Variants in TRARG1 observed in about 807,000 individuals in gnomAD.
TRARG1 encodes the protein trafficking regulator of GLUT4 (SLC2A4) 1 (gene/pseudogene), also known as trafficking regulator of GLUT4 1.
A neutral mutation model predicts 13.3 loss-of-function variants in TRARG1; 16 were observed. The observed-to-expected ratio is 1.20, with a 90% CI of 0.81 to 1.83. The LOEUF is 1.83. Ranked by LOEUF, TRARG1 falls within the 40% of genes most tolerant of loss-of-function variation. The probability of loss-of-function intolerance (pLI) is 0.00; values close to 1 mark genes in which losing one functional copy is unlikely to be tolerated. For missense variants in TRARG1, 250 were observed against 237.4 expected (o/e 1.05, Z -0.35); for synonymous variants, 113 against 106.2 (o/e 1.06, Z -0.39).
chr17:1,288,301 TC>T, intron 1 of TRARG1, among the ~76,000 whole-genome samples: 1 of 30,936 alleles, frequency 3.2e-5, no homozygotes, highest in African/African-American at 1.3e-4. Context: ...GGGTTCCCCA[TC>T]CCCCACGGGT....
At chr17:1,283,216 G>A (rs1181950432) in intron 1 of TRARG1, among the ~76,000 whole-genome samples, 2 of 150,882 alleles carry the variant, frequency 1.3e-5, no homozygotes, top group Non-Finnish European at 2.9e-5. Flanking sequence ...ATTCCCATCT[G>A]CAAAATGGGT....
chr17:1,293,380 C>T (rs879760219), intron 1 of TRARG1, among the ~76,000 whole-genome samples: 14 of 151,604 alleles, frequency 9.2e-5, no homozygotes, highest in South Asian at 2.1e-4. Flanking sequence ...GCTCAGGCTA[C>T]GGCAAGGAGG....
intron 1 of TRARG1, among the ~76,000 whole-genome samples, chr17:1,282,156 G>T (rs554269849): frequency 1.4e-5 from 2 of 138,098 alleles, no homozygotes; most frequent in Non-Finnish European, 3.0e-5. Flanking sequence ...ACGTATACAC[G>T]TGCATATATG....
At chr17:1,284,147 G>T (rs971849233) in intron 1 of TRARG1, among the ~76,000 whole-genome samples, 142 of 137,514 alleles carry the variant, frequency 1.0e-3, no homozygotes, top group South Asian at 3.3e-3. Context: ...AGAAAGAAAA[G>T]AAAGAAAGAA....
chr17:1,281,952 A>ATGTG (rs2071975633), intron 1 of TRARG1, among the ~76,000 whole-genome samples: 1 of 151,776 alleles, frequency 6.6e-6, no homozygotes, highest in African/African-American at 2.4e-5. Flanking sequence ...ATATATGCAC[A>ATGTG]TACATGTACA....
chr17:1,298,321 A>G lies in TRARG1; in HGVS notation c.*57A>G. On this transcript the variant is annotated 3_prime_UTR_variant, in exon 3 of 3. Transcript: ENST00000333813. ...GGCCCTGGCCATCGGGAGAGCTCTGACCTGCACACCGCGGGAGGCCAGGGT... is the reference window on the plus strand; with the variant it reads ...GGCCCTGGCCATCGGGAGAGCTCTGGCCTGCACACCGCGGGAGGCCAGGGT... The G allele has an allele frequency of 6.3e-7, 1 of 1,598,516 alleles. No individual in the cohort carries two copies. The highest frequency in any genetic ancestry group is 8.5e-7 in the Non-Finnish European group (1 of 1,170,404).
intron 1 of TRARG1, among the ~76,000 whole-genome samples, chr17:1,289,345 C>A (rs561707324): frequency 0.01 from 50 of 4,814 alleles, 1 homozygote; most frequent in Middle Eastern, 0.12. Flanking sequence ...TCATCCCCCA[C>A]GAGTTCCCCA....
chr17:1,282,125 T>C (rs1488141504), intron 1 of TRARG1, among the ~76,000 whole-genome samples: 2 of 70,548 alleles, frequency 2.8e-5, no homozygotes, highest in African/African-American at 1.1e-4. Flanking sequence ...TGCACATATG[T>C]ACATATACAC....
At chr17:1,284,886 T>C (rs1177642039) in intron 1 of TRARG1, among the ~76,000 whole-genome samples, 1 of 151,912 alleles carries the variant, frequency 6.6e-6, no homozygotes, top group Non-Finnish European at 1.5e-5. Flanking sequence ...TTCACTGTGT[T>C]AGCCAGGATG....
intron 1 of TRARG1, among the ~76,000 whole-genome samples, chr17:1,294,407 T>C (rs1044335690): frequency 4.1e-4 from 62 of 151,230 alleles, no homozygotes; most frequent in Non-Finnish European, 3.4e-4. Flanking sequence ...ATCCGGGAAG[T>C]GGGCTTGATT....
intron 1 of TRARG1, among the ~76,000 whole-genome samples, chr17:1,288,232 C>A (rs7406352): frequency 0.15 from 22,754 of 149,058 alleles, 1,994 homozygotes; most frequent in Admixed American, 0.23. Flanking sequence ...GCTTCATCCC[C>A]CACCAGCTCC....
chr17:1,298,333 C>G lies in TRARG1; in HGVS notation c.*69C>G, dbSNP rs372069762. 3 of 1,566,904 alleles carry G rather than the reference C, an allele frequency of 1.9e-6. No homozygotes were observed. Among genetic ancestry groups the G allele is most frequent in the Non-Finnish European group, 1.7e-6 (2 of 1,146,512 alleles). ...CGGGAGAGCTCTGACCTGCACACCG[C>G]GGGAGGCCAGGGTGCTGACTGTCAA... On this transcript the variant is annotated 3_prime_UTR_variant, in exon 3 of 3. Coordinates refer to ENST00000333813, the MANE Select transcript of TRARG1 (RefSeq NM_172367.3).
In TRARG1 at chr17:1,298,365, C is replaced by A; in HGVS notation, c.*101C>A. ...CCAGGGTGCTGACTGTCAAGCATCCCCTGTCCCCAAGTTCCAAAAGCACAG... is the reference window on the plus strand; with the variant it reads ...CCAGGGTGCTGACTGTCAAGCATCCACTGTCCCCAAGTTCCAAAAGCACAG... On this transcript the variant is annotated 3_prime_UTR_variant, in exon 3 of 3. Transcript: ENST00000333813. 1 of 1,338,758 alleles carries A rather than the reference C, an allele frequency of 7.5e-7. No individual in the cohort carries two copies. The highest frequency in any genetic ancestry group is 1.0e-6 in the Non-Finnish European group (1 of 962,820). The allele number at this position is 1,338,758 out of a possible 1,614,324, so 82.9% of individuals were successfully genotyped here. A position where few individuals can be genotyped will look rare whatever the true frequency, so the allele number is the denominator to read the frequency against.
At chr17:1,280,651 C>T (rs915360850) in intron 1 of TRARG1, among the ~76,000 whole-genome samples, 34 of 152,124 alleles carry the variant, frequency 2.2e-4, no homozygotes, top group African/African-American at 8.2e-4. Flanking sequence ...TGGGGAGGGG[C>T]CCTCAGGGAG....
chr17:1,282,239 T>C lies in TRARG1; in HGVS notation c.387+1851T>C, dbSNP rs113217764. ...GTATACACGTGCGTATATGTACGTA[T>C]ATGCACGTATATGTACGTATATGTA... On this transcript the variant is annotated intron_variant, in intron 1 of 2. Transcript: ENST00000333813. 6.0e-4 allele frequency among the ~76,000 whole-genome samples: 82 copies of C among 137,754 alleles called. 1 individual carries two copies. The highest frequency in any genetic ancestry group is 2.2e-3 in the African/African-American group (72 of 33,408). The allele number at this position is 137,754 out of a possible 152,430, so 90.4% of individuals were successfully genotyped here.
intron 1 of TRARG1, among the ~76,000 whole-genome samples, chr17:1,286,831 T>C (rs578205868): frequency 1.3e-5 from 2 of 151,456 alleles, no homozygotes; most frequent in East Asian, 1.9e-4. Context: ...TGGGGTGTTG[T>C]TGTCGGCCTG....
Position 1,296,095 on chromosome 17 carries a change from G to A in TRARG1, c.520+472G>A, listed in dbSNP as rs567258580. Among the ~76,000 whole-genome samples, 40 of 152,370 alleles carry A rather than the reference G, an allele frequency of 2.6e-4. 1 individual carries two copies. In the South Asian group the frequency reaches 6.2e-3, roughly 24 times the overall value. On this transcript the variant is annotated intron_variant, in intron 2 of 2. Transcript: ENST00000333813. ...CCGGGGAACCCCAGAAGCAAGCAGTGCATATGGTAGAATTCAAAAAGTAGG... is the reference window on the plus strand; with the variant it reads ...CCGGGGAACCCCAGAAGCAAGCAGTACATATGGTAGAATTCAAAAAGTAGG...
chr17:1,281,881 G>A (rs2071974478), intron 1 of TRARG1, among the ~76,000 whole-genome samples: 1 of 152,038 alleles, frequency 6.6e-6, no homozygotes, highest in African/African-American at 2.4e-5. Flanking sequence ...CTAAGCCCAA[G>A]GCAATGAGAC....
At chr17:1,289,414 C>T (rs2072054460) in intron 1 of TRARG1, among the ~76,000 whole-genome samples, 1 of 101,218 alleles carries the variant, frequency 9.9e-6, no homozygotes, top group Non-Finnish European at 2.1e-5. Flanking sequence ...CTCCTCAACC[C>T]CCTCCGGCTC....
Sources: allele counts gnomAD v4.1 joint callset (sites outside exome capture counted in the v4.1 genomes callset), GRCh38; gene constraint gnomAD v4.1.1; transcripts MANE v1.5; gene names NCBI Gene and HGNC (gene_info 2026-07-23, HGNC 2026-07-21).